Variants in SCFD1 observed in about 807,000 individuals in gnomAD.
SCFD1 encodes the protein sec1 family domain containing 1, also known as sec1 family domain-containing protein 1.
A neutral mutation model predicts 103.2 loss-of-function variants in SCFD1; 37 were observed. That is an observed-to-expected ratio of 0.36 (90% CI 0.28 to 0.47). SCFD1 has a LOEUF of 0.47. SCFD1 is among the 20% of genes least tolerant of loss of function. SCFD1 has a pLI of 1.00. For missense variants in SCFD1, 639 were observed against 761.2 expected (o/e 0.84, Z 1.89); for synonymous variants, 264 against 245.0 (o/e 1.08, Z -0.73).
At chr14:30,669,859 A>G (rs1813445174) in intron 10 of SCFD1, 1 of 156,436 alleles carries the variant, frequency 6.4e-6, no homozygotes, top group Non-Finnish European at 1.4e-5. Flanking sequence ...TGTAGTTATG[A>G]TAAAGATGAA....
intron 10 of SCFD1, among the ~76,000 whole-genome samples, chr14:30,669,478 T>C (rs140135330): frequency 6.6e-6 from 1 of 152,238 alleles, no homozygotes; most frequent in East Asian, 1.9e-4. Context: ...AGAAAAAAGA[T>C]ACTTACTTTT....
In SCFD1 at chr14:30,650,645, A is replaced by T. The variant is rs773513621; in HGVS notation, c.750A>T (p.Gln250His). ...LFTGDTLGAGQFSFQRPLLVL... is the reference protein window; with the variant it reads ...LFTGDTLGAGHFSFQRPLLVL... ...CAGGTGATACACTTGGAGCTGGCCAATTCAGGTATTACTGTTATTAAATAC... is the reference window on the plus strand; with the variant it reads ...CAGGTGATACACTTGGAGCTGGCCATTTCAGGTATTACTGTTATTAAATAC... The change falls in exon 9 of 25, where the codon CAA (glutamine) becomes CAT (histidine). Residue 250 changes from glutamine (Q) to histidine (H), a missense_variant. Physicochemically the swap from Gln to His is conservative, Grantham distance 24. Coordinates refer to ENST00000458591, the MANE Select transcript of SCFD1 (RefSeq NM_016106.4). 5.8e-6 allele frequency: 9 copies of T among 1,563,676 alleles called. No individual in the cohort carries two copies. Among genetic ancestry groups the T allele is most frequent in the Non-Finnish European group, 7.9e-6 (9 of 1,136,092 alleles).
intron 23 of SCFD1, 56 bp downstream of exon 23, chr14:30,722,615 C>T (rs1892728558): frequency 9.5e-7 from 1 of 1,047,984 alleles, no homozygotes; most frequent in Non-Finnish European, 1.4e-6. Context: ...AGGTAGAACA[C>T]TAGCATACTC....
chr14:30,637,516 A>G (rs1033301274), intron 4 of SCFD1, among the ~76,000 whole-genome samples: 1 of 152,282 alleles, frequency 6.6e-6, no homozygotes, highest in Admixed American at 6.5e-5. Context: ...TTTTATTGGC[A>G]TCATTAATTC....
At chr14:30,651,296 A>T (rs1294427508) in intron 9 of SCFD1, among the ~76,000 whole-genome samples, 1 of 152,146 alleles carries the variant, frequency 6.6e-6, no homozygotes, top group Non-Finnish European at 1.5e-5. Context: ...CCCAAAATAA[A>T]CAGATGCCCA....
At chr14:30,734,744 A>ATATTTCTTGTTACTTGTATC (rs1893717307) in intron 23 of SCFD1, 46 bp from the exon 24 acceptor site, 1 of 1,336,578 alleles carries the variant, frequency 7.5e-7, no homozygotes, top group East Asian at 2.3e-5. Context: ...AATATTGAAT[A>ATATTTCTTGTTACTTGTATC]TATTTCTTGT....
At chr14:30,692,397 G>T (rs1201737740) in intron 14 of SCFD1, among the ~76,000 whole-genome samples, 1 of 152,126 alleles carries the variant, frequency 6.6e-6, no homozygotes, top group Admixed American at 6.5e-5. Flanking sequence ...TTGATACACA[G>T]ATAAGGGAGT....
intron 1 of SCFD1, among the ~76,000 whole-genome samples, chr14:30,625,616 CCTATATAGGTA>C (rs1883325637): frequency 7.4e-5 from 5 of 67,162 alleles, no homozygotes; most frequent in South Asian, 8.5e-4. Flanking sequence ...TATAGGTATA[CCTATATAGGTA>C]TAGGTATATA....
rs143379048 is a variant in SCFD1, at chr14:30,650,657, C to T, written c.755+7C>T. On this transcript the variant is annotated splice_region_variant and intron_variant, in intron 9 of 24. Coordinates refer to ENST00000458591, the MANE Select transcript of SCFD1 (RefSeq NM_016106.4). ...TTGGAGCTGGCCAATTCAGGTATTA[C>T]TGTTATTAAATACACTTGTAAGACT... 970 of 1,506,242 alleles carry T rather than the reference C, an allele frequency of 6.4e-4. 8 individuals carry two copies. The African/African-American group carries it at 0.012, about 19-fold the overall frequency. 93.3% of individuals were successfully genotyped at this position (1,506,242 alleles called of 1,614,324 possible).
intron 23 of SCFD1, among the ~76,000 whole-genome samples, chr14:30,727,332 T>C (rs915906396): frequency 6.6e-6 from 1 of 152,266 alleles, no homozygotes; most frequent in Admixed American, 6.5e-5. Flanking sequence ...AAATCGTTTG[T>C]GTGCATTTCA....
At chr14:30,683,559 C>T (rs1889669313) in intron 14 of SCFD1, 2 of 267,914 alleles carry the variant, frequency 7.5e-6, no homozygotes, top group African/African-American at 2.3e-5. Context: ...TGGGAGGCTG[C>T]GATGCTAGTG....
chr14:30,730,046 C>G (rs1313038252), intron 23 of SCFD1, among the ~76,000 whole-genome samples: 1 of 152,130 alleles, frequency 6.6e-6, no homozygotes, highest in African/African-American at 2.4e-5. Flanking sequence ...GTGTGATGTT[C>G]CCCTTCCTGT....
At chr14:30,706,360 C>T (rs979292267) in intron 18 of SCFD1, among the ~76,000 whole-genome samples, 3 of 151,946 alleles carry the variant, frequency 2.0e-5, no homozygotes, top group Non-Finnish European at 4.4e-5. Context: ...ATGATATACA[C>T]CTAAATGTTA....
chr14:30,693,897 A>G (rs1890497543), intron 14 of SCFD1, among the ~76,000 whole-genome samples: 1 of 152,196 alleles, frequency 6.6e-6, no homozygotes, highest in Non-Finnish European at 1.5e-5. Context: ...GTTATTTGAT[A>G]ATTTTTATTT....
intron 11 of SCFD1, among the ~76,000 whole-genome samples, chr14:30,672,524 T>A (rs1242951310): frequency 6.6e-6 from 1 of 152,210 alleles, no homozygotes; most frequent in Non-Finnish European, 1.5e-5. Flanking sequence ...AGAAAAGGCT[T>A]CTGGCCTCCC....
In SCFD1 at chr14:30,702,313, T is replaced by C. The variant is rs760053456; in HGVS notation, c.1428T>C (p.Tyr476=). 1 of 1,598,692 alleles carries C rather than the reference T, an allele frequency of 6.3e-7. No homozygotes were observed. Among genetic ancestry groups the C allele is most frequent in the Non-Finnish European group, 8.5e-7 (1 of 1,172,346 alleles). The change falls in exon 17 of 25, where the codon TAT becomes TAC. Residue 476 remains tyrosine (Y), a synonymous_variant. Coordinates refer to ENST00000458591, the MANE Select transcript of SCFD1 (RefSeq NM_016106.4). ...TATTTCAGGCTGATTTGGAGCAATA[T>C]AAAAAAGCTTTAACTGATGCAGGAT... ...QAPSEADLEQ[Y]KKALTDAGCN... is the part of the protein sequence containing the mutation.
chr14:30,674,451 G>A (rs933501286), intron 13 of SCFD1, among the ~76,000 whole-genome samples: 2 of 152,052 alleles, frequency 1.3e-5, no homozygotes, highest in African/African-American at 4.8e-5. Context: ...GACCATCCTG[G>A]CCAACATGGT....
intron 8 of SCFD1, 114 bp from the exon 9 acceptor site, chr14:30,650,451 T>C: frequency 3.0e-6 from 2 of 674,582 alleles, no homozygotes; most frequent in Non-Finnish European, 5.3e-6. Flanking sequence ...TTAGATTTGC[T>C]ATTTGTAAAG....
At chr14:30,640,004 CAG>C in intron 6 of SCFD1, 140 bp downstream of exon 6, 1 of 993,996 alleles carries the variant, frequency 1.0e-6, no homozygotes, top group Non-Finnish European at 1.4e-6. Context: ...TAAAAGCACA[CAG>C]AGAAAACAAG....
Sources: gnomAD v4.1 joint callset for allele counts (sites outside exome capture counted in the v4.1 genomes callset) on GRCh38, gnomAD v4.1.1 for gene constraint, MANE v1.5 for transcripts, NCBI Gene and HGNC (gene_info 2026-07-23, HGNC 2026-07-21) for gene names.